Variants in CALD1 observed in about 807,000 individuals in gnomAD.
The protein encoded by CALD1 is caldesmon 1.
CALD1 carries 33 observed loss-of-function variants against 99.9 expected under a neutral mutation model. The observed-to-expected ratio is 0.33, with a 90% CI of 0.25 to 0.44. CALD1 has a LOEUF of 0.44. Among genes scored for constraint, CALD1 ranks in the 20% least tolerant of loss-of-function variants. The probability of loss-of-function intolerance (pLI) is 1.00; values close to 1 mark genes in which losing one functional copy is unlikely to be tolerated. For missense variants in CALD1, 861 were observed against 962.1 expected, an observed-to-expected ratio of 0.89 and a Z score of 1.39; for synonymous variants, 310 against 325.0, an observed-to-expected ratio of 0.95 and a Z score of 0.50.
At position 134,968,684 on chromosome 7, in the gene CALD1, G is replaced by C. The variant is rs1019999589; in HGVS notation, c.*339G>C. On this transcript the variant is annotated 3_prime_UTR_variant, in exon 15 of 15. Coordinates refer to ENST00000361675, the MANE Select transcript of CALD1 (RefSeq NM_033138.4). ...AGATCCAAGTTTAAAATTGCCTGCG[G>C]AATGTGTGCAGTATCTAGAAAAATG... The C allele has an allele frequency of 2.3e-5, 12 of 526,918 alleles. No individual in the cohort carries two copies. The highest frequency in any genetic ancestry group is 3.3e-5 in the Non-Finnish European group (9 of 276,676). The allele number at this position is 526,918 out of a possible 1,614,324, so 32.6% of individuals were successfully genotyped here.
At chr7:134,805,347 G>T (rs1399221609) in intron 1 of CALD1, among the ~76,000 whole-genome samples, 1 of 152,108 alleles carries the variant, frequency 6.6e-6, no homozygotes, top group Admixed American at 6.5e-5. Flanking sequence ...TAATTTTTGA[G>T]AGTTTCCTTA....
chr7:134,839,497 C>A (rs1392667015), intron 1 of CALD1, among the ~76,000 whole-genome samples: 1 of 152,144 alleles, frequency 6.6e-6, no homozygotes, highest in Non-Finnish European at 1.5e-5. Context: ...ATCTTTTTCC[C>A]AAGTGATTTT....
intron 3 of CALD1, among the ~76,000 whole-genome samples, chr7:134,876,826 T>C (rs1801374989): frequency 6.6e-6 from 1 of 152,206 alleles, no homozygotes; most frequent in African/African-American, 2.4e-5. Context: ...AGATAAGAAC[T>C]GATTTGATTC....
At chr7:134,815,141 C>G (rs750159781) in intron 1 of CALD1, among the ~76,000 whole-genome samples, 12 of 152,176 alleles carry the variant, frequency 7.9e-5, no homozygotes, top group Non-Finnish European at 1.3e-4. Context: ...GTGTCCTCAT[C>G]ATGTCCGGAC....
intron 3 of CALD1, 108 bp from the exon 4 acceptor site, chr7:134,928,646 C>T: frequency 1.0e-6 from 1 of 979,604 alleles, no homozygotes; most frequent in Non-Finnish European, 1.5e-6. Flanking sequence ...GTATGTGGTT[C>T]ATTAAGCAGT....
intron 3 of CALD1, among the ~76,000 whole-genome samples, chr7:134,886,311 T>A (rs1801848163): frequency 1.3e-5 from 2 of 151,818 alleles, no homozygotes; most frequent in Non-Finnish European, 2.9e-5. Context: ...CTGGAACTGG[T>A]TCTTAAAGAA....
chr7:134,810,160 A>G (rs1009927232), intron 1 of CALD1, among the ~76,000 whole-genome samples: 1 of 152,198 alleles, frequency 6.6e-6, no homozygotes, highest in Non-Finnish European at 1.5e-5. Flanking sequence ...TATTGGGACT[A>G]GTTGCCAACT....
intron 3 of CALD1, among the ~76,000 whole-genome samples, chr7:134,903,375 AGG>A (rs1335695963): frequency 2.0e-5 from 3 of 152,126 alleles, no homozygotes; most frequent in South Asian, 4.2e-4. Context: ...ATAATGGGAG[AGG>A]TTATGTGTGT....
At chr7:134,961,327 C>G (rs1808247595) in intron 13 of CALD1, 1 of 152,196 alleles carries the variant, frequency 6.6e-6, no homozygotes, top group Admixed American at 6.5e-5. Flanking sequence ...GAAAACGTAT[C>G]AAGCTCCCCA....
intron 13 of CALD1, chr7:134,961,092 T>C (rs1230567428): frequency 6.6e-6 from 1 of 152,502 alleles, no homozygotes; most frequent in Non-Finnish European, 1.5e-5. Context: ...GGCACAAAAA[T>C]GCAGTTATTG....
At chr7:134,791,022 AAAAG>A (rs904907318) in intron 1 of CALD1, among the ~76,000 whole-genome samples, 2 of 152,230 alleles carry the variant, frequency 1.3e-5, no homozygotes, top group African/African-American at 4.8e-5. Flanking sequence ...ATTGATTTAC[AAAAG>A]AAATTAGTGT....
At chr7:134,928,480 A>G (rs1805230110) in intron 3 of CALD1, among the ~76,000 whole-genome samples, 1 of 151,428 alleles carries the variant, frequency 6.6e-6, no homozygotes, top group Non-Finnish European at 1.5e-5. Context: ...TCCAAAGGCA[A>G]CTTGCTTTTG....
intron 9 of CALD1, among the ~76,000 whole-genome samples, chr7:134,950,835 A>C (rs553793737): frequency 6.6e-6 from 1 of 152,274 alleles, no homozygotes; most frequent in East Asian, 1.9e-4. Context: ...ACACACCTGT[A>C]ATAATCTCAG....
intron 1 of CALD1, among the ~76,000 whole-genome samples, chr7:134,798,431 C>G (rs1455114991): frequency 1.3e-5 from 2 of 152,172 alleles, no homozygotes; most frequent in Non-Finnish European, 2.9e-5. Context: ...CATCACACCC[C>G]CTCCCACAAT....
intron 3 of CALD1, among the ~76,000 whole-genome samples, chr7:134,911,263 C>A (rs1008521470): frequency 6.9e-6 from 1 of 144,770 alleles, no homozygotes; most frequent in Non-Finnish European, 1.5e-5. Context: ...GGTCAGAAAG[C>A]GAGCCCTGCA....
chr7:134,735,894 C>T, the CALD1 span, among the ~76,000 whole-genome samples: 1 of 152,036 alleles, frequency 6.6e-6, no homozygotes, highest in Non-Finnish European at 1.5e-5. Flanking sequence ...GCAGAAATAC[C>T]TTGGGGACAT....
At chr7:134,867,617 A>C in intron 2 of CALD1, 76 bp from the exon 3 acceptor site, 1 of 518,570 alleles carries the variant, frequency 1.9e-6, no homozygotes. Context: ...ACAAATGGGA[A>C]AGAGGGCCCA....
intron 9 of CALD1, among the ~76,000 whole-genome samples, chr7:134,956,216 GAT>G (rs1438008748): frequency 1.3e-5 from 2 of 151,600 alleles, no homozygotes; most frequent in African/African-American, 4.9e-5. Context: ...TTATTCAACT[GAT>G]ATTAGAGAGG....
At chr7:134,863,857 G>A (rs904234986) in intron 2 of CALD1, among the ~76,000 whole-genome samples, 2 of 151,908 alleles carry the variant, frequency 1.3e-5, no homozygotes, top group African/African-American at 2.4e-5. Flanking sequence ...AAGTCACAAA[G>A]AAAGAGAAAA....
Sources: allele counts gnomAD v4.1 joint callset (sites outside exome capture counted in the v4.1 genomes callset), GRCh38; gene constraint gnomAD v4.1.1; transcripts MANE v1.5; gene names NCBI Gene and HGNC (gene_info 2026-07-23, HGNC 2026-07-21).